ACBD6: variants seen among roughly 807,000 people sequenced by gnomAD.
The protein encoded by ACBD6 is acyl-CoA binding domain containing 6.
In ACBD6, 28 loss-of-function variants were observed where a neutral mutation model predicts 37.2. That is an observed-to-expected ratio of 0.75 (90% CI 0.56 to 1.03). The LOEUF is 1.03. ACBD6 is among the 50% of genes least tolerant of loss of function. The pLI is 0.00. For synonymous variants in ACBD6, 113 were observed against 126.8 expected (o/e 0.89, Z 0.73); for missense variants, 340 against 337.4 (o/e 1.01, Z -0.06).
chr1:180,386,169 C>CA (rs1354953271), intron 6 of ACBD6, among the ~76,000 whole-genome samples: 2 of 152,014 alleles, frequency 1.3e-5, no homozygotes, highest in African/African-American at 2.4e-5. Flanking sequence ...GACACTGTCT[C>CA]AAAAAACAAA....
chr1:180,431,168 T>C (rs1271077652), intron 3 of ACBD6, among the ~76,000 whole-genome samples: 1 of 152,026 alleles, frequency 6.6e-6, no homozygotes, highest in Non-Finnish European at 1.5e-5. Flanking sequence ...TTTTGTTTTT[T>C]AATTGTTTGT....
rs1037946865 is a variant in ACBD6 at position 180,409,781 on chromosome 1, C to A, written c.573+3585G>T. Among the ~76,000 whole-genome samples, 3 of 152,086 alleles carry A rather than the reference C, an allele frequency of 2.0e-5. No individual in the cohort carries two copies. In the South Asian group the frequency reaches 6.2e-4, roughly 32 times the overall value. On this transcript the variant is annotated intron_variant, in intron 5 of 7. Transcript: ENST00000367595. ...ATATTGAAATTATTAGCCAGTAATACAATAGTCTCTAAGTTTCAAGTAAAA... is the reference window on the plus strand; with the variant it reads ...ATATTGAAATTATTAGCCAGTAATAAAATAGTCTCTAAGTTTCAAGTAAAA...
downstream of ACBD6, among the ~76,000 whole-genome samples, chr1:180,287,579 T>A (rs1649545691): frequency 6.1e-4 from 1 of 1,644 alleles, no homozygotes; most frequent in African/African-American, 2.6e-3. Flanking sequence ...AGATCTAAGC[T>A]TTTTTTTTTT....
intron 3 of ACBD6, among the ~76,000 whole-genome samples, chr1:180,448,934 T>A (rs1649586076): frequency 6.6e-6 from 1 of 152,196 alleles, no homozygotes. Flanking sequence ...GATTATGCTA[T>A]CCTAGTTATT....
Position 180,502,298 on chromosome 1 carries a change from G to C in ACBD6, c.-32C>G. 3 of 1,608,870 alleles carry C rather than the reference G, an allele frequency of 1.9e-6. No individual in the cohort carries two copies. Among genetic ancestry groups the C allele is most frequent in the Non-Finnish European group, 8.5e-7 (1 of 1,178,130 alleles). ...TTGCTCGCTCCGTCCCTCTGTGTCC[G>C]GTCTGTCCTCCTTGGATTGGGTGTA... On this transcript the variant is annotated 5_prime_UTR_variant, in exon 1 of 8. Coordinates refer to ENST00000367595, the MANE Select transcript of ACBD6 (RefSeq NM_032360.4).
intron 7 of ACBD6, among the ~76,000 whole-genome samples, chr1:180,310,201 A>G (rs1650532951): frequency 6.6e-6 from 1 of 152,182 alleles, no homozygotes; most frequent in Non-Finnish European, 1.5e-5. Context: ...CTCAACAAAA[A>G]CAAAATAACT....
At chr1:180,388,729 T>C (rs908417651) in intron 6 of ACBD6, among the ~76,000 whole-genome samples, 2 of 152,012 alleles carry the variant, frequency 1.3e-5, no homozygotes, top group Admixed American at 6.6e-5. Flanking sequence ...GTGTGACCCA[T>C]CATGCCTGGC....
chr1:180,391,650 TAAC>T (rs1654081497), intron 6 of ACBD6, among the ~76,000 whole-genome samples: 1 of 152,104 alleles, frequency 6.6e-6, no homozygotes, highest in Admixed American at 6.6e-5. Context: ...AGACAGATGA[TAAC>T]AAGTATTGGC....
intron 3 of ACBD6, among the ~76,000 whole-genome samples, chr1:180,449,723 T>G (rs1041751939): frequency 6.6e-6 from 1 of 151,468 alleles, no homozygotes; most frequent in African/African-American, 2.4e-5. Flanking sequence ...TGATAACACT[T>G]GGACACAGGG....
chr1:180,282,136 T>C (rs113238688), intron 8 of ACBD6, among the ~76,000 whole-genome samples: 18 of 152,332 alleles, frequency 1.2e-4, no homozygotes, highest in Non-Finnish European at 1.3e-4. Context: ...TGTAATTAAA[T>C]TGGGCAAGTT....
intron 6 of ACBD6, among the ~76,000 whole-genome samples, chr1:180,391,703 G>A (rs1654083013): frequency 6.6e-6 from 1 of 152,130 alleles, no homozygotes; most frequent in Non-Finnish European, 1.5e-5. Context: ...CATCACTGCT[G>A]AGAATATAAA....
chr1:180,278,659 T>G (rs191992606), intron 9 of ACBD6: 89 of 151,558 alleles, frequency 5.9e-4, no homozygotes, highest in African/African-American at 1.9e-3. Context: ...AGGACTGTGT[T>G]CGGCCAAACA....
intron 4 of ACBD6, among the ~76,000 whole-genome samples, chr1:180,423,600 A>G (rs1648461115): frequency 1.3e-5 from 2 of 151,966 alleles, no homozygotes; most frequent in Admixed American, 6.5e-5. Flanking sequence ...TCAATAAAGT[A>G]TTGACAAAGA....
At chr1:180,365,751 A>G (rs1235950647) in intron 6 of ACBD6, among the ~76,000 whole-genome samples, 1 of 152,208 alleles carries the variant, frequency 6.6e-6, no homozygotes, top group East Asian at 1.9e-4. Context: ...GTGCATAAAC[A>G]ATCTCTATAC....
At chr1:180,304,372 C>G (rs1043793029) in intron 7 of ACBD6, among the ~76,000 whole-genome samples, 1 of 150,772 alleles carries the variant, frequency 6.6e-6, no homozygotes, top group Admixed American at 6.6e-5. Flanking sequence ...TGTCTCAGCC[C>G]AAAATCTCCT....
intron 6 of ACBD6, among the ~76,000 whole-genome samples, chr1:180,381,081 A>G (rs1401265597): frequency 6.6e-6 from 1 of 152,214 alleles, no homozygotes; most frequent in Admixed American, 6.5e-5. Flanking sequence ...CTTTTATCAG[A>G]CAAAATGAAC....
intron 6 of ACBD6, among the ~76,000 whole-genome samples, chr1:180,358,999 ATCCTTTGCTG>A (rs1652740215): frequency 6.6e-6 from 1 of 152,202 alleles, no homozygotes; most frequent in African/African-American, 2.4e-5. Flanking sequence ...TGATTTACCT[ATCCTTTGCTG>A]AGGATAAAAA....
intron 3 of ACBD6, among the ~76,000 whole-genome samples, chr1:180,455,687 C>A (rs1649888484): frequency 6.6e-6 from 1 of 152,068 alleles, no homozygotes; most frequent in African/African-American, 2.4e-5. Context: ...AATAGGTAAT[C>A]CCCAATCTAG....
chr1:180,442,779 A>G (rs1649330722), intron 3 of ACBD6, among the ~76,000 whole-genome samples: 1 of 151,998 alleles, frequency 6.6e-6, no homozygotes, highest in South Asian at 2.1e-4. Context: ...TTTACTTCAG[A>G]TATTATATTT....
Sources: gnomAD v4.1 joint callset for allele counts (sites outside exome capture counted in the v4.1 genomes callset) on GRCh38, gnomAD v4.1.1 for gene constraint, MANE v1.5 for transcripts, NCBI Gene and HGNC (gene_info 2026-07-23, HGNC 2026-07-21) for gene names.